Variants in OCEL1 observed in about 807,000 individuals in gnomAD.
OCEL1 encodes occludin/ELL domain containing 1, also known as occludin/ELL domain-containing protein 1.
Under a neutral mutation model 29.4 loss-of-function variants are expected in OCEL1, and 24 were observed. The observed-to-expected ratio is 0.82, with a 90% CI of 0.59 to 1.15. The LOEUF (loss-of-function observed/expected upper bound fraction) is 1.15. Ranked by LOEUF, OCEL1 falls within the 50% of genes most tolerant of loss-of-function variation. OCEL1 has a pLI of 0.00. For missense variants in OCEL1, 402 were observed against 352.5 expected, an observed-to-expected ratio of 1.14 and a Z score of -1.13; for synonymous variants, 172 against 145.3, an observed-to-expected ratio of 1.18 and a Z score of -1.32.
intron 4 of OCEL1, 104 bp from the exon 5 acceptor site, chr19:17,228,138 TAAGGTCAGCCCTTG>T: frequency 1.3e-6 from 2 of 1,528,152 alleles, no homozygotes; most frequent in Non-Finnish European, 1.8e-6. Context: ...GACACATGGC[TAAGGTCAGCCCTTG>T]AAGTCCCCAC....
At position 17,226,769 on chromosome 19, in the gene OCEL1, T is replaced by C. The variant is rs1361732578; in HGVS notation, c.146T>C (p.Leu49Pro). 2 of 1,592,448 alleles carry C rather than the reference T, an allele frequency of 1.3e-6. No individual in the cohort carries two copies. Among genetic ancestry groups the C allele is most frequent in the South Asian group, 1.1e-5 (1 of 89,620 alleles). Residue 49 changes from leucine to proline, a missense_variant, in exon 2 of 6, where the codon CTG (leucine) becomes CCG (proline). Coordinates refer to ENST00000215061, the MANE Select transcript of OCEL1 (RefSeq NM_024578.3). The stretch of plus-strand genomic sequence containing the variant: ...ACCCGCCCATCAGCCCGGAAACCCC[T>C]GAGCTGCTTCTCCCGGAGGCCGATG... Reference protein sequence around the residue: ...RRTRPSARKPLSCFSRRPMPT... With the variant: ...RRTRPSARKPPSCFSRRPMPT...
intron 1 of OCEL1, 154 bp downstream of exon 1, chr19:17,226,470 GC>G (rs2073360255): frequency 1.0e-6 from 1 of 1,003,168 alleles, no homozygotes; most frequent in Non-Finnish European, 1.4e-6. Context: ...AGGCTGCGCG[GC>G]GACGTCAGAG....
At chr19:17,227,336 C>T in intron 3 of OCEL1, 137 bp downstream of exon 3, 1 of 728,544 alleles carries the variant, frequency 1.4e-6, no homozygotes, top group Non-Finnish European at 2.0e-6. Context: ...GGGATTGTCC[C>T]TGTGAATAAG....
In OCEL1 at chr19:17,228,275, C is replaced by T. The variant is rs2073380633; in HGVS notation, c.638C>T (p.Ala213Val). 6.2e-7 allele frequency: 1 copy of T among 1,614,122 alleles called. No individual in the cohort carries two copies. The highest frequency in any genetic ancestry group is 8.5e-7 in the Non-Finnish European group (1 of 1,180,022). The change falls in exon 5 of 6, where the codon GCC becomes GTC. Residue 213 changes from alanine to valine, a missense_variant. Ala to Val is a moderately conservative substitution (Grantham distance 64). Coordinates refer to ENST00000215061, the MANE Select transcript of OCEL1 (RefSeq NM_024578.3). Reference protein sequence around the residue: ...PQSQKEAQVAARVWREFEMKR... With the variant: ...PQSQKEAQVAVRVWREFEMKR... ...TTGCAGAAGGAGGCCCAAGTTGCAG[C>T]CCGGGTTTGGAGGGAGTTTGAGATG... is the stretch of plus-strand genomic sequence containing the variant.
chr19:17,228,894 A>G lies in OCEL1; in HGVS notation c.764A>G (p.Gln255Arg). The change falls in exon 6 of 6, where the codon CAA (glutamine) becomes CGA (arginine). Residue 255 changes from glutamine (Q) to arginine (R), a missense_variant. Transcript: ENST00000215061. Reference protein sequence around the residue: ...LKTQIQKFDDQGDSEGSVYF With the variant: ...LKTQIQKFDDRGDSEGSVYF ...ACTCAGATCCAGAAATTCGATGACCAAGGAGACAGCGAGGGCTCCGTGTAC... is the reference window on the plus strand; with the variant it reads ...ACTCAGATCCAGAAATTCGATGACCGAGGAGACAGCGAGGGCTCCGTGTAC... 1 of 1,613,636 alleles carries G rather than the reference A, an allele frequency of 6.2e-7. No individual in the cohort carries two copies. The highest frequency in any genetic ancestry group is 8.5e-7 in the Non-Finnish European group (1 of 1,179,862).
At chr19:17,227,789 G>GA (rs755300272) in intron 3 of OCEL1, 51 bp from the exon 4 acceptor site, 1 of 1,582,354 alleles carries the variant, frequency 6.3e-7, no homozygotes, top group South Asian at 1.1e-5. Flanking sequence ...CTGACTGGGG[G>GA]AAAGAGTGGG....
In OCEL1 at chr19:17,227,068, C is replaced by A. The variant is rs1279178902; in HGVS notation, c.321C>A (p.His107Gln). ...RPPCQPQPGP[H>Q]KAKTKKIVFE... The stretch of plus-strand genomic sequence containing the variant: ...CGTGCCAGCCCCAGCCGGGACCCCA[C>A]AAGGCAAAGACCAAGAAGATTGTGT... The change falls in exon 3 of 6, where the codon CAC becomes CAA. Residue 107 changes from histidine to glutamine, a missense_variant. Transcript: ENST00000215061. 1.2e-6 allele frequency: 2 copies of A among 1,609,316 alleles called. No homozygotes were observed. Among genetic ancestry groups the A allele is most frequent in the African/African-American group, 2.7e-5 (2 of 74,374 alleles).
rs891204 is a variant in OCEL1 at position 17,227,062 on chromosome 19, A to C, written c.315A>C (p.Gly105=). 2.5e-6 allele frequency: 4 copies of C among 1,605,830 alleles called. No homozygotes were observed. The highest frequency in any genetic ancestry group is 1.7e-4 in the Middle Eastern group (1 of 6,050). Residue 105 remains glycine, a synonymous_variant, in exon 3 of 6, where the codon GGA becomes GGC. Transcript: ENST00000215061. The part of the protein sequence containing the change: ...APRPPCQPQP[G]PHKAKTKKIV... Reference sequence around the variant, plus strand: ...GCCCTCCGTGCCAGCCCCAGCCGGGACCCCACAAGGCAAAGACCAAGAAGA... The same window carrying C: ...GCCCTCCGTGCCAGCCCCAGCCGGGCCCCCACAAGGCAAAGACCAAGAAGA...
At chr19:17,228,142 G>C (rs2073379323) in intron 4 of OCEL1, 114 bp from the exon 5 acceptor site, 16 of 1,531,280 alleles carry the variant, frequency 1.0e-5, no homozygotes, top group Non-Finnish European at 1.3e-5. Flanking sequence ...CATGGCTAAG[G>C]TCAGCCCTTG....
rs776962423 is a variant in OCEL1 at position 17,229,005 on chromosome 19, G to C, written c.*80G>C. ...TTGGTATCTCTCAGCTTTTCCTCTT[G>C]CAGCTCCCCCTACCAGGGGTCGCTT... On this transcript the variant is annotated 3_prime_UTR_variant, in exon 6 of 6. Coordinates refer to ENST00000215061, the MANE Select transcript of OCEL1 (RefSeq NM_024578.3). 6.6e-7 allele frequency: 1 copy of C among 1,518,120 alleles called. No homozygotes were observed. The highest frequency in any genetic ancestry group is 1.2e-5 in the South Asian group (1 of 84,706). The allele number at this position is 1,518,120 out of a possible 1,614,324, so 94.0% of individuals were successfully genotyped here.
At chr19:17,226,357 G>A in intron 1 of OCEL1, 41 bp downstream of exon 1, 2 of 1,598,346 alleles carry the variant, frequency 1.3e-6, no homozygotes, top group Non-Finnish European at 1.7e-6. Context: ...CTTGCAGGTG[G>A]GGCGGAGGTC....
At chr19:17,228,591 C>G in intron 5 of OCEL1, 1 of 623,930 alleles carries the variant, frequency 1.6e-6, no homozygotes, top group East Asian at 3.1e-5. Context: ...CCAGGCTGGT[C>G]TCGAACTCCT....
At chr19:17,228,175 TAGTC>T in intron 4 of OCEL1, 77 bp from the exon 5 acceptor site, 1 of 1,567,672 alleles carries the variant, frequency 6.4e-7, no homozygotes, top group Non-Finnish European at 8.8e-7. Flanking sequence ...GATGGGCATT[TAGTC>T]TGTCTGAGCC....
rs1195720755 is a variant in OCEL1 at position 17,226,847 on chromosome 19, AC to A, written c.227del (p.Pro76ArgfsTer81). 6.4e-7 allele frequency: 1 copy of A among 1,551,108 alleles called. No homozygotes were observed. The highest frequency in any genetic ancestry group is 1.4e-5 in the African/African-American group (1 of 71,750). ...GGCTCCCGGGGGCACCTGCATACTCACCCGCCTGGGCCTGGGCCCCCGGTGA... is the reference window on the plus strand; with the variant it reads ...GGCTCCCGGGGGCACCTGCATACTCACCGCCTGGGCCTGGGCCCCCGGTGA... ...TRGSRGHLHT[H>X]PPGPGPPLQG... On this transcript the variant is annotated frameshift_variant, in exon 2 of 6. Coordinates refer to ENST00000215061, the MANE Select transcript of OCEL1 (RefSeq NM_024578.3). LOFTEE classifies it high-confidence loss of function.
chr19:17,228,279 G>T lies in OCEL1; in HGVS notation c.642G>T (p.Arg214=), dbSNP rs201782061. The T allele has an allele frequency of 6.2e-7, 1 of 1,613,950 alleles. No homozygotes were observed. The highest frequency in any genetic ancestry group is 8.5e-7 in the Non-Finnish European group (1 of 1,180,008). Residue 214 remains arginine (R), a synonymous_variant, in exon 5 of 6, where the codon CGG becomes CGT. Coordinates refer to ENST00000215061, the MANE Select transcript of OCEL1 (RefSeq NM_024578.3). Reference sequence around the variant, plus strand: ...AGAAGGAGGCCCAAGTTGCAGCCCGGGTTTGGAGGGAGTTTGAGATGAAGC... The same window carrying T: ...AGAAGGAGGCCCAAGTTGCAGCCCGTGTTTGGAGGGAGTTTGAGATGAAGC... The part of the protein sequence containing the change: ...QSQKEAQVAA[R]VWREFEMKRM...
Position 17,227,830 on chromosome 19 carries a change from A to T in OCEL1, c.453-10A>T. ...TTACACTCACACTCTGACCCTCTTC[A>T]ACCTGGTAGTAAGTACCCGCCAGTG... On this transcript the variant is annotated splice_polypyrimidine_tract_variant and intron_variant, in intron 3 of 5. Transcript: ENST00000215061. The T allele has an allele frequency of 1.2e-6, 2 of 1,613,286 alleles. No individual in the cohort carries two copies. Among genetic ancestry groups the T allele is most frequent in the Non-Finnish European group, 1.7e-6 (2 of 1,179,794 alleles).
chr19:17,226,783 C>G lies in OCEL1; in HGVS notation c.160C>G (p.Arg54Gly). ...SARKPLSCFS[R>G]RPMPTREPPK... ...CCGGAAACCCCTGAGCTGCTTCTCC[C>G]GGAGGCCGATGCCCACCCGGGAGCC... Residue 54 changes from arginine to glycine, a missense_variant, in exon 2 of 6, where the codon CGG (arginine) becomes GGG (glycine). Transcript: ENST00000215061. The G allele has an allele frequency of 1.9e-6, 3 of 1,594,460 alleles. No individual in the cohort carries two copies. Among genetic ancestry groups the G allele is most frequent in the Non-Finnish European group, 2.6e-6 (3 of 1,173,812 alleles).
Position 17,228,009 on chromosome 19 carries a change from A to G in OCEL1, c.618+4A>G. The G allele has an allele frequency of 3.1e-6, 5 of 1,611,278 alleles. No homozygotes were observed. Among genetic ancestry groups the G allele is most frequent in the Non-Finnish European group, 4.2e-6 (5 of 1,179,614 alleles). ...CCTGCCCCCACCCCAAAGCCAGGTC[A>G]GCACTAGGGAGAAAGCCCTGCCCCG... is the stretch of plus-strand genomic sequence containing the variant. On this transcript the variant is annotated splice_donor_region_variant and intron_variant, in intron 4 of 5. Coordinates refer to ENST00000215061, the MANE Select transcript of OCEL1 (RefSeq NM_024578.3).
chr19:17,228,235 T>G (rs2073379953), intron 4 of OCEL1, 21 bp from the exon 5 acceptor site: 2 of 1,613,698 alleles, frequency 1.2e-6, no homozygotes, highest in Non-Finnish European at 1.7e-6. Flanking sequence ...CTAAACCCCC[T>G]TTCTACTCCT....
Sources: allele counts gnomAD v4.1 joint callset, GRCh38; gene constraint gnomAD v4.1.1; transcripts MANE v1.5; gene names NCBI Gene and HGNC (gene_info 2026-07-23, HGNC 2026-07-21).